AGAP1: variants seen among roughly 807,000 people sequenced by gnomAD.
The protein encoded by AGAP1 is arf-GAP with GTPase, ANK repeat and PH domain-containing protein 1.
AGAP1 carries 29 observed loss-of-function variants against 105.3 expected under a neutral mutation model. The ratio of observed to expected loss-of-function variants is 0.28; its 90% CI spans 0.21 to 0.38. The LOEUF (loss-of-function observed/expected upper bound fraction) is 0.38. Ranked by LOEUF, AGAP1 falls within the 10% of genes least tolerant of loss-of-function variation. The pLI is 1.00. For synonymous variants in AGAP1, 509 were observed against 485.9 expected, an observed-to-expected ratio of 1.05 and a Z score of -0.63; for missense variants, 998 against 1,165.1, an observed-to-expected ratio of 0.86 and a Z score of 2.09.
Position 236,113,263 on chromosome 2 carries a change from C to T in AGAP1, c.2115-6929C>T, listed in dbSNP as rs533594752. On this transcript the variant is annotated intron_variant, in intron 16 of 17. Transcript: ENST00000304032. The surrounding 1 kb of genome is among the most constrained non-coding windows in gnomAD (Gnocchi z 4.3). ...TCAAGCAATTCTCTGCCTCAGCCCC[C>T]CCGAGTAGCTGGGATTACAGGCATC... Among the ~76,000 whole-genome samples, 2 of 152,204 alleles carry T rather than the reference C, an allele frequency of 1.3e-5. No homozygotes were observed. Among genetic ancestry groups the T allele is most frequent in the Admixed American group, 6.5e-5 (1 of 15,290 alleles).
chr2:236,037,483 C>T (rs1457118214), intron 14 of AGAP1, among the ~76,000 whole-genome samples: 1 of 152,144 alleles, frequency 6.6e-6, no homozygotes, highest in African/African-American at 2.4e-5. Flanking sequence ...CTGCAACCTC[C>T]AAGCTCAAGC....
In AGAP1 at chr2:236,044,085, G is replaced by C. The variant is rs1015508685; in HGVS notation, c.1891+3244G>C. ...TGGACGCTGAGCCTCTGGAGCTTTGGGGGTGCCTGTCTATAAAGGGATTCT... is the reference window on the plus strand; with the variant it reads ...TGGACGCTGAGCCTCTGGAGCTTTGCGGGTGCCTGTCTATAAAGGGATTCT... On this transcript the variant is annotated intron_variant, in intron 15 of 17. Coordinates refer to ENST00000304032, the MANE Select transcript of AGAP1 (RefSeq NM_001037131.3). The surrounding 1 kb of genome is among the most constrained non-coding windows in gnomAD (Gnocchi z 5.7). Among the ~76,000 whole-genome samples the C allele has an allele frequency of 6.6e-6, 1 of 152,064 alleles. No individual in the cohort carries two copies. The highest frequency in any genetic ancestry group is 1.5e-5 in the Non-Finnish European group (1 of 68,008).
chr2:235,693,012 C>G lies in AGAP1; in HGVS notation c.164-16167C>G, dbSNP rs544607379. 2.3e-3 allele frequency among the ~76,000 whole-genome samples: 346 copies of G among 152,172 alleles called. 5 individuals carry two copies. Among genetic ancestry groups the G allele is most frequent in the African/African-American group, 7.8e-3 (326 of 41,546 alleles). The stretch of plus-strand genomic sequence containing the variant: ...GCCAGTGGCTGAGGCCCAGTGTGGA[C>G]TGTAGAGTGTCAGATTCCACTTGCT... On this transcript the variant is annotated intron_variant, in intron 1 of 17. Coordinates refer to ENST00000304032, the MANE Select transcript of AGAP1 (RefSeq NM_001037131.3).
chr2:235,507,036 G>T (rs1941848691), intron 1 of AGAP1: 1 of 153,336 alleles, frequency 6.5e-6, no homozygotes, highest in Non-Finnish European at 1.5e-5. Context: ...CCTCGCGCTG[G>T]GGCGACCCTG....
intron 1 of AGAP1, among the ~76,000 whole-genome samples, chr2:235,518,684 C>T (rs958127408): frequency 1.3e-5 from 2 of 152,182 alleles, no homozygotes; most frequent in Non-Finnish European, 2.9e-5. Context: ...AGTAAGAAAA[C>T]AGTCTCCACC....
chr2:235,803,941 A>T (rs192786766), intron 8 of AGAP1, among the ~76,000 whole-genome samples: 101 of 152,336 alleles, frequency 6.6e-4, no homozygotes, highest in Admixed American at 2.4e-3. Context: ...TAGAGCAATT[A>T]ATTTAGTTTA....
chr2:235,840,529 G>A (rs1290456755), intron 9 of AGAP1, among the ~76,000 whole-genome samples: 2 of 152,094 alleles, frequency 1.3e-5, no homozygotes, highest in African/African-American at 4.8e-5. Context: ...TTGTCCTAGC[G>A]GTACCATGTT....
At chr2:236,081,743 T>G (rs981445696) in intron 16 of AGAP1, among the ~76,000 whole-genome samples, 1 of 151,536 alleles carries the variant, frequency 6.6e-6, no homozygotes, top group Non-Finnish European at 1.5e-5. Flanking sequence ...CTATTGCTAA[T>G]GAAACCATAT....
chr2:235,568,249 T>C (rs1248711195), intron 1 of AGAP1, among the ~76,000 whole-genome samples: 1 of 152,166 alleles, frequency 6.6e-6, no homozygotes, highest in Non-Finnish European at 1.5e-5. Flanking sequence ...GCCAGCTAAC[T>C]TGAGGGCAAA....
chr2:235,743,990 A>G (rs940193240), intron 4 of AGAP1, among the ~76,000 whole-genome samples: 2 of 152,230 alleles, frequency 1.3e-5, no homozygotes, highest in Non-Finnish European at 2.9e-5. Context: ...GGTATCTGTC[A>G]AAAGAGGATG....
intron 1 of AGAP1, among the ~76,000 whole-genome samples, chr2:235,617,916 G>A (rs935919966): frequency 6.6e-6 from 1 of 152,098 alleles, no homozygotes; most frequent in African/African-American, 2.4e-5. Context: ...ATACTAAGAT[G>A]GCAGTTGGGG....
At position 236,038,967 on chromosome 2, in the gene AGAP1, G is replaced by A. The variant is rs2057465322; in HGVS notation, c.1801-1784G>A. On this transcript the variant is annotated intron_variant, in intron 14 of 17. Coordinates refer to ENST00000304032, the MANE Select transcript of AGAP1 (RefSeq NM_001037131.3). This position sits in a 1 kb window ranked among gnomAD's most constrained non-coding sequence, Gnocchi z 4.5. ...CGCATGATGCTAATTAGACAGTAGT[G>A]ATTAATACATTATAATTTATTATGT... Among the ~76,000 whole-genome samples the A allele has an allele frequency of 6.6e-6, 1 of 152,048 alleles. No homozygotes were observed. Among genetic ancestry groups the A allele is most frequent in the Non-Finnish European group, 1.5e-5 (1 of 68,002 alleles).
At chr2:235,990,772 G>A (rs992106938) in intron 13 of AGAP1, among the ~76,000 whole-genome samples, 1 of 152,212 alleles carries the variant, frequency 6.6e-6, no homozygotes, top group Admixed American at 6.5e-5. Flanking sequence ...CAAGGTTCTA[G>A]AAGAGCATGT....
At chr2:235,497,953 A>G (rs1941393904) in intron 1 of AGAP1, among the ~76,000 whole-genome samples, 1 of 152,120 alleles carries the variant, frequency 6.6e-6, no homozygotes, top group African/African-American at 2.4e-5. Flanking sequence ...TGTTGGCACA[A>G]AATTCCCACA....
intron 1 of AGAP1, among the ~76,000 whole-genome samples, chr2:235,603,752 A>C (rs543355460): frequency 6.6e-6 from 1 of 152,266 alleles, no homozygotes; most frequent in African/African-American, 2.4e-5. Context: ...CCATGTGTGA[A>C]GTATTTTCTC....
chr2:236,040,864 G>A lies in AGAP1; in HGVS notation c.1891+23G>A, dbSNP rs910563433. ...AGAGTAAGTGTGTGCGGTGGTAGCA[G>A]GGGCTGGCGCTGTGTAGCTGGAGAC... On this transcript the variant is annotated intron_variant, in intron 15 of 17. Transcript: ENST00000304032. This position sits in a 1 kb window ranked among gnomAD's most constrained non-coding sequence, Gnocchi z 5.6. 2 of 1,613,652 alleles carry A rather than the reference G, an allele frequency of 1.2e-6. No homozygotes were observed.
At chr2:235,796,721 A>G (rs1276518530) in intron 6 of AGAP1, among the ~76,000 whole-genome samples, 7 of 152,208 alleles carry the variant, frequency 4.6e-5, no homozygotes, top group South Asian at 2.1e-4. Context: ...GTTATAACCT[A>G]TTGCTGGGGA....
intron 12 of AGAP1, among the ~76,000 whole-genome samples, chr2:235,952,697 T>C (rs892927893): frequency 6.6e-6 from 1 of 152,104 alleles, no homozygotes; most frequent in African/African-American, 2.4e-5. Flanking sequence ...CCCTGGGTAG[T>C]TGTTGATCAT....
At chr2:235,617,534 TC>T (rs754866288) in intron 1 of AGAP1, among the ~76,000 whole-genome samples, 1 of 152,250 alleles carries the variant, frequency 6.6e-6, no homozygotes, top group Non-Finnish European at 1.5e-5. Context: ...AAACTCTGTC[TC>T]TACTAAAAAT....
Sources: gnomAD v4.1 joint callset for allele counts (sites outside exome capture counted in the v4.1 genomes callset) on GRCh38, gnomAD v4.1.1 for gene constraint, Gnocchi (gnomAD v3.1) non-coding constraint, MANE v1.5 for transcripts, NCBI Gene and HGNC (gene_info 2026-07-23, HGNC 2026-07-21) for gene names.